The following STX7 variants were observed in gnomAD, a reference collection of about 807,000 sequenced individuals.
STX7 encodes syntaxin 7.
STX7 carries 34 observed loss-of-function variants against 39.6 expected under a neutral mutation model. The observed-to-expected ratio is 0.86, with a 90% CI of 0.65 to 1.14. The LOEUF is 1.14. STX7 is among the 50% of genes most tolerant of loss of function. The probability of loss-of-function intolerance (pLI) is 0.00; values close to 1 mark genes in which losing one functional copy is unlikely to be tolerated. For synonymous variants in STX7, 119 were observed against 99.1 expected, an observed-to-expected ratio of 1.20 and a Z score of -1.19; for missense variants, 284 against 310.4, an observed-to-expected ratio of 0.92 and a Z score of 0.64.
chr6:132,509,322 T>C (rs753416392), intron 1 of STX7, among the ~76,000 whole-genome samples: 8 of 151,922 alleles, frequency 5.3e-5, no homozygotes, highest in African/African-American at 1.5e-4. Context: ...TGTGGTGGCA[T>C]GCGCCTGTAG....
chr6:132,472,620 A>G (rs1331250212), intron 3 of STX7, among the ~76,000 whole-genome samples: 2 of 152,220 alleles, frequency 1.3e-5, no homozygotes, highest in Non-Finnish European at 2.9e-5. Flanking sequence ...TTCAACGGCC[A>G]TTTAGAAACA....
chr6:132,458,661 G>T lies in STX7; in HGVS notation c.*2097C>A, dbSNP rs959063544. 2.0e-5 allele frequency: 3 copies of T among 152,072 alleles called. No homozygotes were observed. Among genetic ancestry groups the T allele is most frequent in the Non-Finnish European group, 4.4e-5 (3 of 68,000 alleles). 9.4% of individuals were successfully genotyped at this position (152,072 alleles called of 1,614,324 possible). A position where few individuals can be genotyped will look rare whatever the true frequency, so the allele number is the denominator to read the frequency against. On this transcript the variant is annotated 3_prime_UTR_variant, in exon 10 of 10. Transcript: ENST00000367941. ...AAAACTGACCTACAGAAAAGTTCAA[G>T]ATTTTTTAAAAAATTTGGCTACCAT... is the stretch of plus-strand genomic sequence containing the variant.
chr6:132,485,389 G>A (rs1163487454), intron 2 of STX7, among the ~76,000 whole-genome samples: 1 of 152,144 alleles, frequency 6.6e-6, no homozygotes, highest in Non-Finnish European at 1.5e-5. Flanking sequence ...TTTTATTGCT[G>A]AGTATTCCAC....
intron 2 of STX7, among the ~76,000 whole-genome samples, chr6:132,494,015 G>A (rs1163133051): frequency 1.3e-5 from 2 of 152,132 alleles, no homozygotes; most frequent in Non-Finnish European, 2.9e-5. Flanking sequence ...TTAAATAAAT[G>A]TAGTATCAAA....
chr6:132,463,527 C>T (rs1774473616), intron 9 of STX7, among the ~76,000 whole-genome samples: 1 of 152,166 alleles, frequency 6.6e-6, no homozygotes, highest in Non-Finnish European at 1.5e-5. Flanking sequence ...TGAACAGTGA[C>T]ACTCCAAGCT....
chr6:132,487,337 T>C (rs1049901558), intron 2 of STX7, among the ~76,000 whole-genome samples: 1 of 152,174 alleles, frequency 6.6e-6, no homozygotes, highest in African/African-American at 2.4e-5. Context: ...GGGATATGGA[T>C]GAAGCTGGAA....
chr6:132,458,219 G>A lies in STX7; in HGVS notation c.*2539C>T, dbSNP rs968710276. Reference sequence around the variant, plus strand: ...AAGTGCAGTGTCCTTGGTCACCAATGCAGATGCTACTGGGGCAGCCAGCGG... The same window carrying A: ...AAGTGCAGTGTCCTTGGTCACCAATACAGATGCTACTGGGGCAGCCAGCGG... On this transcript the variant is annotated 3_prime_UTR_variant, in exon 10 of 10. Coordinates refer to ENST00000367941, the MANE Select transcript of STX7 (RefSeq NM_003569.3). The A allele has an allele frequency of 6.6e-5, 10 of 152,328 alleles. No homozygotes were observed. The highest frequency in any genetic ancestry group is 2.4e-4 in the African/African-American group (10 of 41,586). The allele number at this position is 152,328 out of a possible 1,614,324, so 9.4% of individuals were successfully genotyped here. A position where few individuals can be genotyped will look rare whatever the true frequency, so the allele number is the denominator to read the frequency against.
intron 3 of STX7, among the ~76,000 whole-genome samples, chr6:132,474,297 C>G (rs1274372481): frequency 6.8e-6 from 1 of 147,088 alleles, no homozygotes; most frequent in Non-Finnish European, 1.5e-5. Context: ...ATTATTAACT[C>G]TATCAAAATA....
chr6:132,464,027 G>C lies in STX7; in HGVS notation c.659C>G (p.Ala220Gly), dbSNP rs1249089671. The C allele has an allele frequency of 6.2e-7, 1 of 1,614,012 alleles. No homozygotes were observed. The highest frequency in any genetic ancestry group is 1.7e-5 in the Admixed American group (1 of 60,018). Residue 220 changes from alanine to glycine, a missense_variant, in exon 9 of 10, where the codon GCA becomes GGA. Transcript: ENST00000367941. ...TGCTGCCCTTGACAGCTGCTGATTTGCTTGCTGAACGTGCACCTCTGCATT... is the reference window on the plus strand; with the variant it reads ...TGCTGCCCTTGACAGCTGCTGATTTCCTTGCTGAACGTGCACCTCTGCATT... Reference protein sequence around the residue: ...VENAEVHVQQANQQLSRAADY... With the variant: ...VENAEVHVQQGNQQLSRAADY...
Position 132,452,970 on chromosome 6 carries a change from G to A in STX7, c.*7788C>T, listed in dbSNP as rs542384853. On this transcript the variant is annotated 3_prime_UTR_variant, in exon 10 of 10. Coordinates refer to ENST00000367941, the MANE Select transcript of STX7 (RefSeq NM_003569.3). ...AATAAACCAGCCTATTTGATTTCAA[G>A]ACTTACTACAGTAATCAAGATTTTG... 2.6e-5 allele frequency: 4 copies of A among 152,198 alleles called. No individual in the cohort carries two copies. In the East Asian group the frequency reaches 7.7e-4, roughly 29 times the overall value. 9.4% of individuals were successfully genotyped at this position (152,198 alleles called of 1,614,324 possible).
Position 132,487,425 on chromosome 6 carries a change from A to C in STX7, c.86-11763T>G, listed in dbSNP as rs527253951. Among the ~76,000 whole-genome samples, 91 of 152,312 alleles carry C rather than the reference A, an allele frequency of 6.0e-4. 2 individuals carry two copies. The South Asian group carries it at 0.014, about 23-fold the overall frequency. ...TCTCACTCATAAGTGGGAGTTGAAC[A>C]ATGAGAACACATGGACACAGGGAGG... is the stretch of plus-strand genomic sequence containing the variant. On this transcript the variant is annotated intron_variant, in intron 2 of 9. Transcript: ENST00000367941.
chr6:132,499,420 G>T (rs554985336), intron 2 of STX7, among the ~76,000 whole-genome samples: 30 of 152,270 alleles, frequency 2.0e-4, no homozygotes, highest in Middle Eastern at 3.4e-3. Flanking sequence ...AATCTGGAAA[G>T]TCTCTTTAAA....
chr6:132,509,169 C>A (rs1428163290), intron 1 of STX7, among the ~76,000 whole-genome samples: 2 of 152,086 alleles, frequency 1.3e-5, no homozygotes, highest in Non-Finnish European at 2.9e-5. Context: ...GTTAGAAAAA[C>A]CAAATTTGGG....
At position 132,464,070 on chromosome 6, in the gene STX7, T is replaced by C; in HGVS notation, c.616A>G (p.Ile206Val). The change falls in exon 9 of 10, where the codon ATA becomes GTA. Residue 206 changes from isoleucine (I) to valine (V), a missense_variant. By Grantham distance (29) the Ile-to-Val change is conservative. Coordinates refer to ENST00000367941, the MANE Select transcript of STX7 (RefSeq NM_003569.3). ...TCTGCATTTTCCACATTGGCTTCTA[T>C]GCTATCTGTAAAATAAAACACACAC... ...IHEQGDVIDSIEANVENAEVH... is the reference protein window; with the variant it reads ...IHEQGDVIDSVEANVENAEVH... The C allele has an allele frequency of 6.2e-7, 1 of 1,613,964 alleles. No homozygotes were observed. Among genetic ancestry groups the C allele is most frequent in the African/African-American group, 1.3e-5 (1 of 75,040 alleles).
intron 9 of STX7, 106 bp downstream of exon 9, chr6:132,463,887 T>C: frequency 9.6e-7 from 1 of 1,042,654 alleles, no homozygotes; most frequent in South Asian, 1.3e-5. Context: ...AATTTTAACA[T>C]CTTCAGCCAT....
At position 132,459,883 on chromosome 6, in the gene STX7, C is replaced by T. The variant is rs1774345743; in HGVS notation, c.*875G>A. The T allele has an allele frequency of 6.6e-6, 1 of 152,056 alleles. No individual in the cohort carries two copies. The highest frequency in any genetic ancestry group is 6.6e-5 in the Admixed American group (1 of 15,256). The allele number at this position is 152,056 out of a possible 1,614,324, so 9.4% of individuals were successfully genotyped here. Reference sequence around the variant, plus strand: ...AGTAATTTTGACCTAAAAATATTAACCATTATTCTATAAGACATAAGGGAA... The same window carrying T: ...AGTAATTTTGACCTAAAAATATTAATCATTATTCTATAAGACATAAGGGAA... On this transcript the variant is annotated 3_prime_UTR_variant, in exon 10 of 10. Transcript: ENST00000367941.
Position 132,503,348 on chromosome 6 carries a change from TC to T in STX7, c.85+97del, listed in dbSNP as rs1775623482. ...AAACCTGTTGTTAGAGGAATGCTCCTCCCTCTCTCAATCAGCAGAGTTGTCC... is the reference window on the plus strand; with the variant it reads ...AAACCTGTTGTTAGAGGAATGCTCCTCCTCTCTCAATCAGCAGAGTTGTCC... On this transcript the variant is annotated intron_variant, in intron 2 of 9. Coordinates refer to ENST00000367941, the MANE Select transcript of STX7 (RefSeq NM_003569.3). 4 of 991,350 alleles carry T rather than the reference TC, an allele frequency of 4.0e-6. No homozygotes were observed. In the Admixed American group the frequency reaches 7.6e-5, roughly 19 times the overall value. The allele number at this position is 991,350 out of a possible 1,614,324, so 61.4% of individuals were successfully genotyped here.
rs1274346808 is a variant in STX7 at position 132,449,527 on chromosome 6, C to T, written c.*11231G>A. 1 of 152,058 alleles carries T rather than the reference C, an allele frequency of 6.6e-6. No individual in the cohort carries two copies. The highest frequency in any genetic ancestry group is 1.9e-4 in the East Asian group (1 of 5,200). The allele number at this position is 152,058 out of a possible 1,614,324, so 9.4% of individuals were successfully genotyped here. A position where few individuals can be genotyped will look rare whatever the true frequency, so the allele number is the denominator to read the frequency against. Reference sequence around the variant, plus strand: ...TCCAATCAGCACATATTAAACCTTCCCATTCTATCCTTCAGGTCTCATAAT... The same window carrying T: ...TCCAATCAGCACATATTAAACCTTCTCATTCTATCCTTCAGGTCTCATAAT... On this transcript the variant is annotated 3_prime_UTR_variant, in exon 10 of 10. Transcript: ENST00000367941.
At chr6:132,489,119 T>C (rs1301756334) in intron 2 of STX7, among the ~76,000 whole-genome samples, 2 of 149,066 alleles carry the variant, frequency 1.3e-5, no homozygotes, top group African/African-American at 2.5e-5. Flanking sequence ...CAAGAATAGC[T>C]TGAACCCAGA....
Sources: allele counts gnomAD v4.1 joint callset (sites outside exome capture counted in the v4.1 genomes callset), GRCh38; gene constraint gnomAD v4.1.1; transcripts MANE v1.5; gene names NCBI Gene and HGNC (gene_info 2026-07-23, HGNC 2026-07-21).